The following CEP112 variants were observed in gnomAD, a reference collection of about 807,000 sequenced individuals.
CEP112 encodes centrosomal protein of 112 kDa.
Under a neutral mutation model 153.0 loss-of-function variants are expected in CEP112, and 127 were observed. That is an observed-to-expected ratio of 0.83 (90% CI 0.72 to 0.96). The LOEUF (loss-of-function observed/expected upper bound fraction) is 0.96. CEP112 is among the 40% of genes least tolerant of loss of function. CEP112 has a pLI of 0.00. For missense variants in CEP112, 1,089 were observed against 1,101.2 expected (o/e 0.99, Z 0.16); for synonymous variants, 358 against 374.4 (o/e 0.96, Z 0.51).
At chr17:65,859,259 G>A (rs934891263) in intron 20 of CEP112, among the ~76,000 whole-genome samples, 5 of 151,436 alleles carry the variant, frequency 3.3e-5, no homozygotes, top group African/African-American at 1.2e-4. Flanking sequence ...CTGGCAACAT[G>A]GCAAAACCCG....
At chr17:66,004,178 T>C (rs980997273) in intron 17 of CEP112, among the ~76,000 whole-genome samples, 2 of 151,960 alleles carry the variant, frequency 1.3e-5, no homozygotes, top group Non-Finnish European at 2.9e-5. Context: ...GAGCATCCTA[T>C]TCATTAAAAA....
At chr17:65,835,917 G>A (rs1568091228) in intron 21 of CEP112, among the ~76,000 whole-genome samples, 1 of 152,086 alleles carries the variant, frequency 6.6e-6, no homozygotes, top group African/African-American at 2.4e-5. Flanking sequence ...ACAATAATTG[G>A]CTAAGAGGCA....
At chr17:66,030,749 T>C (rs143887198) in intron 12 of CEP112, among the ~76,000 whole-genome samples, 2,431 of 152,280 alleles carry the variant, frequency 0.016, 25 homozygotes, top group Non-Finnish European at 0.024. Flanking sequence ...TTAGATACTT[T>C]ATCTAAAATT....
intron 17 of CEP112, among the ~76,000 whole-genome samples, chr17:65,970,456 GCATGCACACATGCATGTATAT>G (rs2062674359): frequency 2.1e-5 from 2 of 93,346 alleles, no homozygotes; most frequent in Non-Finnish European, 4.4e-5. Context: ...TATATTACAT[GCATGCACACATGCATGTATAT>G]TACATGCATG....
intron 20 of CEP112, chr17:65,873,047 C>A (rs2058714559): frequency 6.6e-6 from 1 of 152,172 alleles, no homozygotes; most frequent in African/African-American, 2.4e-5. Context: ...GGTCCAGAAA[C>A]TCCTTTCATC....
chr17:66,164,666 G>A (rs978484348), intron 4 of CEP112, among the ~76,000 whole-genome samples: 27 of 151,462 alleles, frequency 1.8e-4, no homozygotes, highest in African/African-American at 6.1e-4. Flanking sequence ...GACCAGCCTG[G>A]CCAAGATGGT....
intron 4 of CEP112, 111 bp downstream of exon 4, chr17:66,174,933 G>T: frequency 1.5e-6 from 1 of 651,182 alleles, no homozygotes; most frequent in Non-Finnish European, 2.3e-6. Context: ...GCAGTTAAGG[G>T]AAAAGTAAAC....
chr17:66,011,617 G>A (rs919371635), intron 16 of CEP112, among the ~76,000 whole-genome samples: 7 of 151,998 alleles, frequency 4.6e-5, no homozygotes, highest in African/African-American at 9.7e-5. Flanking sequence ...TATTTGCTGA[G>A]GATTGTTTTG....
chr17:65,960,572 G>A (rs530136912), intron 18 of CEP112, among the ~76,000 whole-genome samples: 1 of 152,242 alleles, frequency 6.6e-6, no homozygotes, highest in South Asian at 2.1e-4. Context: ...TACAACCTGG[G>A]CACATCCTCC....
At chr17:65,819,775 C>A (rs2056438775) in intron 21 of CEP112, among the ~76,000 whole-genome samples, 1 of 151,862 alleles carries the variant, frequency 6.6e-6, no homozygotes, top group Non-Finnish European at 1.5e-5. Context: ...TAGCACACTT[C>A]AAAAGCGTCA....
chr17:66,002,633 C>G (rs2064108591), intron 17 of CEP112, among the ~76,000 whole-genome samples: 2 of 152,128 alleles, frequency 1.3e-5, no homozygotes, highest in Admixed American at 1.3e-4. Flanking sequence ...TAAGATGCCT[C>G]CCATTACCAG....
intron 25 of CEP112, among the ~76,000 whole-genome samples, chr17:65,640,155 T>TATATATATATATATATATA (rs1491163281): frequency 8.0e-5 from 2 of 24,982 alleles, no homozygotes; most frequent in Admixed American, 5.3e-4. Flanking sequence ...TATATATATA[T>TATATATATATATATATATA]TTTTTTTTTT....
chr17:65,821,534 ATATATATTTT>A (rs2056570241), intron 21 of CEP112, among the ~76,000 whole-genome samples: 2 of 32,694 alleles, frequency 6.1e-5, no homozygotes, highest in African/African-American at 2.6e-4. Context: ...ATATATATAT[ATATATATTTT>A]TTTTTTTTTT....
chr17:66,118,139 A>T (rs578107622), intron 6 of CEP112, among the ~76,000 whole-genome samples: 1 of 152,336 alleles, frequency 6.6e-6, no homozygotes, highest in South Asian at 2.1e-4. Flanking sequence ...CTACCATAAG[A>T]TTCATCAATC....
intron 24 of CEP112, among the ~76,000 whole-genome samples, chr17:65,680,145 T>A (rs1280441036): frequency 6.6e-6 from 1 of 152,194 alleles, no homozygotes; most frequent in Non-Finnish European, 1.5e-5. Context: ...CACTGGCATT[T>A]TGCTTTCTCT....
chr17:65,835,824 A>T (rs1250472559), intron 21 of CEP112, among the ~76,000 whole-genome samples: 1 of 152,216 alleles, frequency 6.6e-6, no homozygotes, highest in Non-Finnish European at 1.5e-5. Context: ...CATTCAGAAT[A>T]GTCTAATACT....
At chr17:66,111,024 C>T (rs1391578270) in intron 6 of CEP112, among the ~76,000 whole-genome samples, 2 of 151,958 alleles carry the variant, frequency 1.3e-5, no homozygotes, top group Non-Finnish European at 2.9e-5. Flanking sequence ...TAAAAACAAG[C>T]CCATTAAAAA....
intron 18 of CEP112, among the ~76,000 whole-genome samples, chr17:65,953,323 G>A (rs977339505): frequency 6.6e-6 from 1 of 152,200 alleles, no homozygotes; most frequent in African/African-American, 2.4e-5. Context: ...AGATTAAGAT[G>A]GCAGACAGGA....
intron 16 of CEP112, among the ~76,000 whole-genome samples, chr17:66,013,383 G>A (rs914305107): frequency 3.3e-5 from 5 of 152,166 alleles, no homozygotes; most frequent in African/African-American, 7.2e-5. Flanking sequence ...CCTTTGGATG[G>A]TGGGGTTTTT....
Sources: allele counts gnomAD v4.1 joint callset (sites outside exome capture counted in the v4.1 genomes callset), GRCh38; gene constraint gnomAD v4.1.1; transcripts MANE v1.5; gene names NCBI Gene and HGNC (gene_info 2026-07-23, HGNC 2026-07-21).